Variants in DOP1B observed in about 807,000 individuals in gnomAD.
The protein encoded by DOP1B is DOP1 leucine zipper like protein B.
DOP1B carries 174 observed loss-of-function variants against 233.5 expected under a neutral mutation model. The observed-to-expected ratio is 0.75, with a 90% CI of 0.66 to 0.85. The LOEUF (loss-of-function observed/expected upper bound fraction) is 0.85. DOP1B is among the 40% of genes least tolerant of loss of function. The probability of loss-of-function intolerance (pLI) is 0.00; values close to 1 mark genes in which losing one functional copy is unlikely to be tolerated. For missense variants in DOP1B, 2,652 were observed against 2,846.6 expected (o/e 0.93, Z 1.56); for synonymous variants, 1,190 against 1,185.6 (o/e 1.00, Z -0.08).
chr21:36,185,434 C>T (rs184591733), intron 2 of DOP1B, among the ~76,000 whole-genome samples: 2 of 152,280 alleles, frequency 1.3e-5, no homozygotes, highest in East Asian at 3.9e-4. Flanking sequence ...AGAACAGTTT[C>T]CTTTGTGAGC....
At chr21:36,159,322 C>A (rs6517331) in intron 1 of DOP1B, among the ~76,000 whole-genome samples, 125,567 of 151,504 alleles carry the variant, frequency 0.83, 52,168 homozygotes, top group Non-Finnish European at 0.87. Context: ...GTGGTGGCAC[C>A]TGCCTGTAAT....
intron 2 of DOP1B, among the ~76,000 whole-genome samples, chr21:36,176,097 C>CGTGTGCGTGT (rs375729449): frequency 5.6e-5 from 8 of 141,744 alleles, no homozygotes; most frequent in Non-Finnish European, 1.3e-4. Flanking sequence ...GGTGTGTGTG[C>CGTGTGCGTGT]GTGTGTGTGT....
Position 36,219,508 on chromosome 21 carries a change from T to TGAA in DOP1B, c.1250+17_1250+19dup, listed in dbSNP as rs768536701. ...CGCTGATAAGGTATGGGTTTGGCCT[T>TGAA]GAACCTCACGCATCTCTCTCCCTCC... is the stretch of plus-strand genomic sequence containing the variant. On this transcript the variant is annotated intron_variant, in intron 10 of 36. Coordinates refer to ENST00000691173, the MANE Select transcript of DOP1B (RefSeq NM_001320714.2). 1.5e-5 allele frequency: 24 copies of TGAA among 1,612,714 alleles called. No individual in the cohort carries two copies. The highest frequency in any genetic ancestry group is 2.0e-5 in the Non-Finnish European group (23 of 1,179,318).
At position 36,200,625 on chromosome 21, in the gene DOP1B, C is replaced by T; in HGVS notation, c.491+124C>T. ...TTGGAAGGCCAAGGTGGGTGGATCA[C>T]AAGGTCAGGAGATGGAGACCATCCT... On this transcript the variant is annotated intron_variant, in intron 4 of 36. Transcript: ENST00000691173. The T allele has an allele frequency of 4.9e-6, 6 of 1,217,226 alleles. No homozygotes were observed. The South Asian group carries it at 8.3e-5, about 17-fold the overall frequency. The allele number at this position is 1,217,226 out of a possible 1,614,324, so 75.4% of individuals were successfully genotyped here. A position where few individuals can be genotyped will look rare whatever the true frequency, so the allele number is the denominator to read the frequency against.
chr21:36,212,927 A>G (rs1023521308), intron 7 of DOP1B, among the ~76,000 whole-genome samples: 2 of 151,942 alleles, frequency 1.3e-5, no homozygotes, highest in African/African-American at 2.4e-5. Context: ...GATTGCAGGC[A>G]CCCACCACCC....
chr21:36,239,981 G>C (rs1259086942), intron 18 of DOP1B, 26 bp downstream of exon 18: 1 of 1,587,982 alleles, frequency 6.3e-7, no homozygotes, highest in African/African-American at 1.3e-5. Context: ...AGGACCCGAG[G>C]GTGAGGGAGG....
chr21:36,255,105 A>G (rs2067078086), intron 23 of DOP1B, among the ~76,000 whole-genome samples: 1 of 149,908 alleles, frequency 6.7e-6, no homozygotes, highest in Non-Finnish European at 1.5e-5. Flanking sequence ...GCATGCTATC[A>G]CTCCTGGCTA....
intron 2 of DOP1B, among the ~76,000 whole-genome samples, chr21:36,183,840 C>T (rs1002826407): frequency 6.7e-6 from 1 of 150,310 alleles, no homozygotes; most frequent in African/African-American, 2.4e-5. Context: ...TTCATGCCAT[C>T]TTCACATTTC....
At position 36,267,985 on chromosome 21, in the gene DOP1B, A is replaced by C. The variant is rs538580275; in HGVS notation, c.5488-2028A>C. Among the ~76,000 whole-genome samples the C allele has an allele frequency of 3.5e-4, 54 of 152,332 alleles. 1 individual carries two copies. The highest frequency in any genetic ancestry group is 1.2e-3 in the African/African-American group (48 of 41,582). ...CTTTTGAGGGAACAGGACAAAGGGCAAAAGCAGAACTACTGATAAGGGTCT... is the reference window on the plus strand; with the variant it reads ...CTTTTGAGGGAACAGGACAAAGGGCCAAAGCAGAACTACTGATAAGGGTCT... On this transcript the variant is annotated intron_variant, in intron 26 of 36. Transcript: ENST00000691173.
intron 12 of DOP1B, among the ~76,000 whole-genome samples, chr21:36,227,295 TC>T (rs1434334798): frequency 6.8e-6 from 1 of 147,264 alleles, no homozygotes; most frequent in Non-Finnish European, 1.5e-5. Flanking sequence ...CGCCTGTAAT[TC>T]CAGCACTTTG....
In DOP1B at chr21:36,277,981, G is replaced by C. The variant is rs577676576; in HGVS notation, c.5719G>C (p.Ala1907Pro). 1.9e-6 allele frequency: 3 copies of C among 1,613,954 alleles called. No homozygotes were observed. The African/African-American group carries it at 4.0e-5, about 22-fold the overall frequency. Residue 1907 changes from alanine to proline, a missense_variant, in exon 29 of 37, where the codon GCT becomes CCT. By Grantham distance (27) the Ala-to-Pro change is conservative. This residue lies in a region of DOP1B where 2,617 missense variants were observed against 2,794.3 expected (regional missense o/e 0.94). Transcript: ENST00000691173. Reference sequence around the variant, plus strand: ...TAGGGCCTTGTTCTTTTAGGTACTGGCTTCCCTCCTGGACATGGTTTATCG... The same window carrying C: ...TAGGGCCTTGTTCTTTTAGGTACTGCCTTCCCTCCTGGACATGGTTTATCG... ...QALSLLAEVL[A>P]SLLDMVYRSD... is the part of the protein sequence containing the mutation.
Position 36,261,622 on chromosome 21 carries a change from G to A in DOP1B, c.5315+890G>A, listed in dbSNP as rs1374312854. 5 of 984,864 alleles carry A rather than the reference G, an allele frequency of 5.1e-6. No individual in the cohort carries two copies. In the African/African-American group the frequency reaches 8.8e-5, roughly 17 times the overall value. 61.0% of individuals were successfully genotyped at this position (984,864 alleles called of 1,614,324 possible). ...TCTGTGTTGCAGAAAATGAGGGTGA[G>A]GTGGCTGGGTGCGGTGGCTCAACGC... On this transcript the variant is annotated intron_variant, in intron 24 of 36. Coordinates refer to ENST00000691173, the MANE Select transcript of DOP1B (RefSeq NM_001320714.2).
At chr21:36,198,432 A>G (rs55845783) in intron 2 of DOP1B, among the ~76,000 whole-genome samples, 28,292 of 145,338 alleles carry the variant, frequency 0.19, 2,585 homozygotes, top group Non-Finnish European at 0.2. Context: ...GCATCTCACA[A>G]AAAAAAAAAA....
intron 30 of DOP1B, among the ~76,000 whole-genome samples, chr21:36,279,120 A>C (rs536263031): frequency 6.6e-6 from 1 of 151,766 alleles, no homozygotes; most frequent in South Asian, 2.1e-4. Context: ...AGATAAAGAA[A>C]ATCACTCAGG....
At chr21:36,269,555 C>T (rs1467918045) in intron 26 of DOP1B, among the ~76,000 whole-genome samples, 1 of 152,138 alleles carries the variant, frequency 6.6e-6, no homozygotes, top group African/African-American at 2.4e-5. Flanking sequence ...AAGTCTCACT[C>T]TGTCATCCAG....
intron 27 of DOP1B, among the ~76,000 whole-genome samples, chr21:36,272,984 CAAAAA>C (rs1167312513): frequency 1.2e-4 from 7 of 56,914 alleles, no homozygotes; most frequent in African/African-American, 2.3e-4. Flanking sequence ...AACTCCATCT[CAAAAA>C]AAAAAAAAAA....
chr21:36,236,827 A>G (rs1203734385), intron 15 of DOP1B, among the ~76,000 whole-genome samples: 1 of 122,872 alleles, frequency 8.1e-6, no homozygotes, highest in Non-Finnish European at 1.6e-5. Flanking sequence ...CCCAGGCTGG[A>G]GTGTAGTTGC....
At chr21:36,194,803 A>G (rs904522541) in intron 2 of DOP1B, among the ~76,000 whole-genome samples, 1 of 151,912 alleles carries the variant, frequency 6.6e-6, no homozygotes, top group Non-Finnish European at 1.5e-5. Flanking sequence ...CTGCATTTTT[A>G]AAGAAGACAA....
intron 2 of DOP1B, among the ~76,000 whole-genome samples, chr21:36,182,660 C>G (rs2284628): frequency 0.41 from 62,158 of 151,616 alleles, 14,008 homozygotes; most frequent in African/African-American, 0.62. Context: ...CAGACCCCAT[C>G]TCTACAAAAA....
Sources: gnomAD v4.1 joint callset for allele counts (sites outside exome capture counted in the v4.1 genomes callset) on GRCh38, gnomAD v4.1.1 for gene constraint, gnomAD v4.1.1 regional missense constraint, MANE v1.5 for transcripts, NCBI Gene and HGNC (gene_info 2026-07-23, HGNC 2026-07-21) for gene names.